Variants in VIL1 observed in about 807,000 individuals in gnomAD.
VIL1 encodes villin-1.
A neutral mutation model predicts 104.0 loss-of-function variants in VIL1; 86 were observed. The ratio of observed to expected loss-of-function variants is 0.83; its 90% CI spans 0.69 to 0.99. VIL1 has a LOEUF of 0.99. Among genes scored for constraint, VIL1 ranks in the 50% least tolerant of loss-of-function variants. The probability of loss-of-function intolerance (pLI) is 0.00; values close to 1 mark genes in which losing one functional copy is unlikely to be tolerated. For missense variants in VIL1, 944 were observed against 1,054.1 expected, an observed-to-expected ratio of 0.90 and a Z score of 1.45; for synonymous variants, 394 against 412.6, an observed-to-expected ratio of 0.95 and a Z score of 0.55.
chr2:218,428,016 C>A lies in VIL1; in HGVS notation c.399C>A (p.Ser133=). 1.2e-6 allele frequency: 2 copies of A among 1,614,198 alleles called. No individual in the cohort carries two copies. Among genetic ancestry groups the A allele is most frequent in the Non-Finnish European group, 1.7e-6 (2 of 1,180,034 alleles). The stretch of plus-strand genomic sequence containing the variant: ...GCATGAAGCACGTGGAGACCAACTC[C>A]TATGACGTCCAGAGGCTGCTGCATG... ...ASGMKHVETN[S]YDVQRLLHVK... The change falls in exon 5 of 20, where the codon TCC becomes TCA. Residue 133 remains serine, a synonymous_variant. Transcript: ENST00000248444.
chr2:218,433,477 C>T (rs993853734), intron 13 of VIL1, among the ~76,000 whole-genome samples: 4 of 151,930 alleles, frequency 2.6e-5, no homozygotes, highest in African/African-American at 9.7e-5. Context: ...GTGGCTCTCA[C>T]CTGTAATCCC....
chr2:218,432,225 G>C, intron 12 of VIL1, 42 bp downstream of exon 12: 1 of 1,595,942 alleles, frequency 6.3e-7, no homozygotes, highest in Non-Finnish European at 8.5e-7. Context: ...AGCCGGCTTA[G>C]CTCTGCCTTG....
intron 6 of VIL1, 144 bp from the exon 7 acceptor site, chr2:218,429,141 C>G: frequency 1.1e-6 from 1 of 925,424 alleles, no homozygotes; most frequent in Non-Finnish European, 1.6e-6. Flanking sequence ...AAAGCTTGAC[C>G]CCTCCGACGG....
At chr2:218,429,137 T>C (rs970135907) in intron 6 of VIL1, 148 bp from the exon 7 acceptor site, 2 of 892,056 alleles carry the variant, frequency 2.2e-6, no homozygotes, top group Non-Finnish European at 3.4e-6. Flanking sequence ...CTTAAAAGCT[T>C]GACCCCTCCG....
At chr2:218,425,468 C>A in intron 3 of VIL1, 147 bp from the exon 4 acceptor site, 1 of 696,220 alleles carries the variant, frequency 1.4e-6, no homozygotes, top group Non-Finnish European at 2.4e-6. Flanking sequence ...TGGGCCATGA[C>A]TCAGGGCTCC....
At chr2:218,427,827 C>G in intron 4 of VIL1, 138 bp from the exon 5 acceptor site, 1 of 736,782 alleles carries the variant, frequency 1.4e-6, no homozygotes, top group Non-Finnish European at 2.3e-6. Context: ...AAAGTTTGCG[C>G]CCTCAGCACC....
chr2:218,444,111 G>A (rs1275208994), intron 19 of VIL1, among the ~76,000 whole-genome samples: 2 of 151,970 alleles, frequency 1.3e-5, no homozygotes, highest in African/African-American at 2.4e-5. Flanking sequence ...GATTACAGGC[G>A]TGCGCCACCA....
At position 218,423,790 on chromosome 2, in the gene VIL1, G is replaced by A. The variant is rs773032922; in HGVS notation, c.12G>A (p.Leu4=). MTK[L]SAQVKGSLNI... ...CAGGCTCACTCACCATGACCAAGCT[G>A]AGCGCCCAAGTCAAAGGCTCTCTCA... The change falls in exon 2 of 20, where the codon CTG becomes CTA. Residue 4 remains leucine (L), a synonymous_variant. Transcript: ENST00000248444. 7.4e-6 allele frequency: 12 copies of A among 1,614,064 alleles called. No homozygotes were observed. The highest frequency in any genetic ancestry group is 6.7e-5 in the Admixed American group (4 of 60,008).
At chr2:218,431,027 C>T (rs1294690441) in intron 10 of VIL1, 149 bp downstream of exon 10, 29 of 1,044,438 alleles carry the variant, frequency 2.8e-5, no homozygotes, top group African/African-American at 8.1e-5. Context: ...CAGATGGGGA[C>T]GTGGACAAAC....
At chr2:218,435,649 T>C (rs961474417) in intron 15 of VIL1, among the ~76,000 whole-genome samples, 1 of 152,206 alleles carries the variant, frequency 6.6e-6, no homozygotes, top group Non-Finnish European at 1.5e-5. Flanking sequence ...CACTACAGTA[T>C]GCCCAGGACC....
In VIL1 at chr2:218,451,060, TA is replaced by T. The variant is rs1189636775; in HGVS notation, c.*1730del. 2.0e-5 allele frequency: 3 copies of T among 152,120 alleles called. No homozygotes were observed. Among genetic ancestry groups the T allele is most frequent in the Non-Finnish European group, 4.4e-5 (3 of 68,008 alleles). 9.4% of individuals were successfully genotyped at this position (152,120 alleles called of 1,614,324 possible). ...GGCCTAACAAATTAGAATTTTCCAA[TA>T]AAAAATATATATTTTTTCAGATGTT... is the stretch of plus-strand genomic sequence containing the variant. On this transcript the variant is annotated 3_prime_UTR_variant, in exon 20 of 20. Coordinates refer to ENST00000248444, the MANE Select transcript of VIL1 (RefSeq NM_007127.3).
intron 18 of VIL1, among the ~76,000 whole-genome samples, chr2:218,440,225 A>G (rs1270701191): frequency 6.6e-6 from 1 of 152,174 alleles, no homozygotes; most frequent in Non-Finnish European, 1.5e-5. Context: ...GAAAAGAGTC[A>G]TTTTCCACCA....
At chr2:218,430,949 C>T (rs763384912) in intron 10 of VIL1, 71 bp downstream of exon 10, 2 of 1,549,438 alleles carry the variant, frequency 1.3e-6, no homozygotes. Context: ...CTTGGTCCAC[C>T]ACCCACCCTC....
At position 218,429,583 on chromosome 2, in the gene VIL1, CTT is replaced by C; in HGVS notation, c.771-13_771-12del. The C allele has an allele frequency of 6.2e-7, 1 of 1,614,166 alleles. No homozygotes were observed. Among genetic ancestry groups the C allele is most frequent in the Non-Finnish European group, 8.5e-7 (1 of 1,180,030 alleles). On this transcript the variant is annotated splice_polypyrimidine_tract_variant and intron_variant, in intron 7 of 19. Coordinates refer to ENST00000248444, the MANE Select transcript of VIL1 (RefSeq NM_007127.3). ...GGGCCCCCTCCCCATCTATGCCTTG[CTT>C]CTGTCCTGCAGTGTGTCTGACTCCG...
At chr2:218,431,351 C>CAAA (rs10527756) in intron 10 of VIL1, 11 of 90,690 alleles carry the variant, frequency 1.2e-4, no homozygotes, top group Admixed American at 3.7e-4. Flanking sequence ...AACTCCATCT[C>CAAA]AAAAAAAAAA....
At chr2:218,420,428 CAA>C (rs71064447) in intron 1 of VIL1, among the ~76,000 whole-genome samples, 1 of 80,226 alleles carries the variant, frequency 1.2e-5, no homozygotes, top group Non-Finnish European at 2.3e-5. Context: ...GACTCTGTCT[CAA>C]AAAAAAAAAA....
chr2:218,434,636 C>T lies in VIL1; in HGVS notation c.1611C>T (p.Ala537=). ...AGGCCTTTGAGGTCCCAGCGCGGGC[C>T]AATTTCCTCAATTCCAATGATGTCT... The part of the protein sequence containing the change: ...NTKAFEVPAR[A]NFLNSNDVFV... The change falls in exon 14 of 20, where the codon GCC becomes GCT. Residue 537 remains alanine (A), a synonymous_variant. Coordinates refer to ENST00000248444, the MANE Select transcript of VIL1 (RefSeq NM_007127.3). 1 of 1,614,186 alleles carries T rather than the reference C, an allele frequency of 6.2e-7. No individual in the cohort carries two copies.
chr2:218,420,233 C>T (rs1688876660), intron 1 of VIL1, among the ~76,000 whole-genome samples: 1 of 151,990 alleles, frequency 6.6e-6, no homozygotes, highest in Non-Finnish European at 1.5e-5. Flanking sequence ...ACTTCAAGAC[C>T]AGCCTGACCA....
At chr2:218,421,059 C>T (rs947805889) in intron 1 of VIL1, among the ~76,000 whole-genome samples, 2 of 152,020 alleles carry the variant, frequency 1.3e-5, no homozygotes, top group Non-Finnish European at 2.9e-5. Flanking sequence ...CCTTGTCCAG[C>T]TGAGGATTCT....
Sources: allele counts gnomAD v4.1 joint callset (sites outside exome capture counted in the v4.1 genomes callset), GRCh38; gene constraint gnomAD v4.1.1; transcripts MANE v1.5; gene names NCBI Gene and HGNC (gene_info 2026-07-23, HGNC 2026-07-21).